The following RGS7 variants were observed in gnomAD, a reference collection of about 807,000 sequenced individuals.
RGS7 encodes regulator of G-protein signaling 7.
Under a neutral mutation model 81.1 loss-of-function variants are expected in RGS7, and 27 were observed. That is an observed-to-expected ratio of 0.33 (90% confidence interval 0.25 to 0.46). The LOEUF is 0.46. RGS7 is among the 20% of genes least tolerant of loss of function. The pLI, the probability that RGS7 is intolerant of heterozygous loss-of-function variation, is 1.00. For missense variants in RGS7, 396 were observed against 607.4 expected (o/e 0.65, Z 3.66); for synonymous variants, 208 against 207.7 (o/e 1.00, Z -0.01).
intron 18 of RGS7, among the ~76,000 whole-genome samples, chr1:240,792,558 G>GTC (rs1418409733): frequency 8.6e-5 from 13 of 152,008 alleles, no homozygotes; most frequent in Admixed American, 3.3e-4. Flanking sequence ...CCTTTGCTCT[G>GTC]TCTCTCTCTC....
At chr1:241,033,978 A>G (rs1353278678) in intron 3 of RGS7, among the ~76,000 whole-genome samples, 1 of 152,222 alleles carries the variant, frequency 6.6e-6, no homozygotes, top group Admixed American at 6.5e-5. Context: ...AAGATACAGT[A>G]TACAGCATAT....
intron 2 of RGS7, among the ~76,000 whole-genome samples, chr1:241,277,698 G>A (rs1293449770): frequency 7.2e-5 from 11 of 151,746 alleles, no homozygotes; most frequent in Admixed American, 7.2e-4. Context: ...TTTTAGCTGT[G>A]ACTTTTCACT....
chr1:240,892,465 G>A (rs1489944009), intron 6 of RGS7, among the ~76,000 whole-genome samples: 1 of 152,140 alleles, frequency 6.6e-6, no homozygotes, highest in Non-Finnish European at 1.5e-5. Context: ...AAGCTCCTCA[G>A]TGAAATTCAG....
intron 2 of RGS7, among the ~76,000 whole-genome samples, chr1:241,346,695 T>A (rs2082917751): frequency 6.6e-6 from 1 of 152,230 alleles, no homozygotes; most frequent in Admixed American, 6.5e-5. Context: ...GCCTTTCAGC[T>A]TTTTATTTTT....
intron 3 of RGS7, among the ~76,000 whole-genome samples, chr1:241,025,888 C>T (rs1382441677): frequency 1.3e-5 from 2 of 152,156 alleles, no homozygotes; most frequent in Non-Finnish European, 2.9e-5. Context: ...TGGTGCTAAA[C>T]TGAATCATAA....
chr1:240,961,934 GA>G (rs1681512433), intron 4 of RGS7, among the ~76,000 whole-genome samples: 2 of 151,946 alleles, frequency 1.3e-5, no homozygotes, highest in South Asian at 4.2e-4. Context: ...AGGGAGGAAG[GA>G]AAATAAAAAG....
Position 240,802,910 on chromosome 1 carries a change from C to G in RGS7, c.1353G>C (p.Lys451Asn). 1 of 1,606,012 alleles carries G rather than the reference C, an allele frequency of 6.2e-7. No homozygotes were observed. Among genetic ancestry groups the G allele is most frequent in the Non-Finnish European group, 8.5e-7 (1 of 1,172,920 alleles). The change falls in exon 16 of 19, where the codon AAG (lysine) becomes AAC (asparagine). Residue 451 changes from lysine (K) to asparagine (N), a missense_variant. Physicochemically the swap from Lys to Asn is moderately conservative, Grantham distance 94. Coordinates refer to ENST00000440928, the MANE Select transcript of RGS7 (RefSeq NM_001364886.1). ...SSAYQELLQA[K>N]KKSGNSMDRR... Reference sequence around the variant, plus strand: ...ACTCACAAAAAACCAGTACCTTTTTCTTTGCCTGTAGAAGCTCCTGATAGG... The same window carrying G: ...ACTCACAAAAAACCAGTACCTTTTTGTTTGCCTGTAGAAGCTCCTGATAGG...
intron 2 of RGS7, among the ~76,000 whole-genome samples, chr1:241,225,718 G>C (rs1292496276): frequency 1.3e-5 from 2 of 152,218 alleles, no homozygotes; most frequent in African/African-American, 2.4e-5. Flanking sequence ...TGTTGACAGA[G>C]AGGGTGAAAG....
At chr1:240,941,962 C>G (rs1219709823) in intron 4 of RGS7, among the ~76,000 whole-genome samples, 3 of 151,670 alleles carry the variant, frequency 2.0e-5, no homozygotes, top group Non-Finnish European at 4.4e-5. Flanking sequence ...ACCCACACAG[C>G]TAAAGTTCAA....
At chr1:240,879,495 A>G (rs538646810) in intron 6 of RGS7, among the ~76,000 whole-genome samples, 1 of 152,278 alleles carries the variant, frequency 6.6e-6, no homozygotes, top group East Asian at 1.9e-4. Context: ...TTCATTTTTG[A>G]AAGCTGTTTG....
At chr1:241,028,385 A>C (rs1416001999) in intron 3 of RGS7, among the ~76,000 whole-genome samples, 1 of 152,212 alleles carries the variant, frequency 6.6e-6, no homozygotes, top group African/African-American at 2.4e-5. Context: ...AAATACATAC[A>C]ATTATAGCTT....
At chr1:241,101,897 G>A (rs538278693) in intron 2 of RGS7, among the ~76,000 whole-genome samples, 2 of 152,312 alleles carry the variant, frequency 1.3e-5, no homozygotes, top group South Asian at 2.1e-4. Flanking sequence ...ATTTAGGTGC[G>A]TAGCTATGAG....
intron 9 of RGS7, among the ~76,000 whole-genome samples, chr1:240,856,511 C>T (rs1214249030): frequency 6.6e-6 from 1 of 151,920 alleles, no homozygotes; most frequent in East Asian, 1.9e-4. Flanking sequence ...AAGAAATGTA[C>T]CACTTTACTT....
rs534351296 is a variant in RGS7 at position 241,258,589 on chromosome 1, G to A, written c.78+97110C>T. Reference sequence around the variant, plus strand: ...TAAAATGTAACATCCTTTCCCAGGTGGCCACAGCTTGTTCTTATTCTATGC... The same window carrying A: ...TAAAATGTAACATCCTTTCCCAGGTAGCCACAGCTTGTTCTTATTCTATGC... On this transcript the variant is annotated intron_variant, in intron 2 of 18. Coordinates refer to ENST00000440928, the MANE Select transcript of RGS7 (RefSeq NM_001364886.1). 8.5e-5 allele frequency among the ~76,000 whole-genome samples: 13 copies of A among 152,250 alleles called. No individual in the cohort carries two copies. The South Asian group carries it at 2.3e-3, about 27-fold the overall frequency.
intron 6 of RGS7, among the ~76,000 whole-genome samples, chr1:240,887,321 T>C (rs573140921): frequency 5.2e-4 from 77 of 148,376 alleles, no homozygotes; most frequent in Non-Finnish European, 7.8e-4. Flanking sequence ...CTCTGCCTCC[T>C]GGGTTCACGC....
chr1:241,159,263 A>C lies in RGS7; in HGVS notation c.79-60501T>G, dbSNP rs563479816. Among the ~76,000 whole-genome samples the C allele has an allele frequency of 1.5e-4, 23 of 152,220 alleles. No homozygotes were observed. The South Asian group carries it at 4.8e-3, about 32-fold the overall frequency. On this transcript the variant is annotated intron_variant, in intron 2 of 18. Transcript: ENST00000440928. The stretch of plus-strand genomic sequence containing the variant: ...TGATCTGTTCAATATTACATTCTAC[A>C]TTACACACCCAATTTCACTGTATCT...
Position 241,243,182 on chromosome 1 carries a change from C to A in RGS7, c.78+112517G>T, listed in dbSNP as rs536536281. On this transcript the variant is annotated intron_variant, in intron 2 of 18. Coordinates refer to ENST00000440928, the MANE Select transcript of RGS7 (RefSeq NM_001364886.1). ...AATTGATGAGTGTCACCTGAACTATCTTGAACATTTCATGTCACATTGCAT... is the reference window on the plus strand; with the variant it reads ...AATTGATGAGTGTCACCTGAACTATATTGAACATTTCATGTCACATTGCAT... 4.6e-5 allele frequency among the ~76,000 whole-genome samples: 7 copies of A among 152,314 alleles called. No homozygotes were observed. The East Asian group carries it at 1.3e-3, about 29-fold the overall frequency.
At chr1:241,024,641 G>C (rs1240900012) in intron 3 of RGS7, among the ~76,000 whole-genome samples, 1 of 152,128 alleles carries the variant, frequency 6.6e-6, no homozygotes, top group Non-Finnish European at 1.5e-5. Context: ...ACGCCGAATG[G>C]AAGAATAAAT....
intron 2 of RGS7, among the ~76,000 whole-genome samples, chr1:241,329,343 G>A (rs1471965503): frequency 6.6e-6 from 1 of 152,178 alleles, no homozygotes; most frequent in Admixed American, 6.5e-5. Flanking sequence ...GTTTGAGTGG[G>A]AAGAAAAGCA....
Sources: allele counts gnomAD v4.1 joint callset (sites outside exome capture counted in the v4.1 genomes callset), GRCh38; gene constraint gnomAD v4.1.1; transcripts MANE v1.5; gene names NCBI Gene and HGNC (gene_info 2026-07-23, HGNC 2026-07-21).